LAMA2: variants seen among roughly 807,000 people sequenced by gnomAD.
LAMA2 encodes the protein laminin subunit alpha 2, also known as laminin subunit alpha-2.
A neutral mutation model predicts 364.8 loss-of-function variants in LAMA2; 269 were observed. The ratio of observed to expected loss-of-function variants is 0.74; its 90% CI spans 0.67 to 0.82. The LOEUF (loss-of-function observed/expected upper bound fraction) is 0.82. LAMA2 is among the 40% of genes least tolerant of loss of function. The probability of loss-of-function intolerance (pLI) is 0.00; values close to 1 mark genes in which losing one functional copy is unlikely to be tolerated. For synonymous variants in LAMA2, 1,379 were observed against 1,370.6 expected (o/e 1.01, Z -0.14); for missense variants, 3,807 against 3,873.2 (o/e 0.98, Z 0.45).
intron 32 of LAMA2, among the ~76,000 whole-genome samples, chr6:129,356,018 G>A (rs1209425995): frequency 1.3e-5 from 2 of 151,996 alleles, no homozygotes; most frequent in Admixed American, 6.6e-5. Context: ...AAGAGATCAG[G>A]CAAAACAAAG....
intron 1 of LAMA2, among the ~76,000 whole-genome samples, chr6:128,960,665 CTCTTT>C (rs1044536652): frequency 3.5e-4 from 53 of 152,252 alleles, no homozygotes; most frequent in African/African-American, 1.2e-3. Context: ...CAGCCGATTT[CTCTTT>C]TCTTTTATTT....
intron 47 of LAMA2, among the ~76,000 whole-genome samples, chr6:129,455,969 T>C (rs1243587342): frequency 6.6e-6 from 1 of 152,190 alleles, no homozygotes; most frequent in Non-Finnish European, 1.5e-5. Flanking sequence ...ATAAATTGTA[T>C]GTGTTGGTAA....
At chr6:129,187,035 T>C (rs933906558) in intron 10 of LAMA2, among the ~76,000 whole-genome samples, 1 of 151,836 alleles carries the variant, frequency 6.6e-6, no homozygotes, top group Non-Finnish European at 1.5e-5. Context: ...TTGATATTGA[T>C]AACAGAGGAA....
intron 9 of LAMA2, among the ~76,000 whole-genome samples, chr6:129,174,706 T>A (rs188761800): frequency 9.2e-4 from 140 of 152,258 alleles, no homozygotes; most frequent in Non-Finnish European, 1.5e-3. Context: ...GGAAAGACAT[T>A]GTTTTAAAGA....
intron 21 of LAMA2, among the ~76,000 whole-genome samples, chr6:129,299,848 A>G (rs1340805263): frequency 2.0e-5 from 3 of 152,334 alleles, no homozygotes; most frequent in African/African-American, 4.8e-5. Flanking sequence ...TATTCAGTGA[A>G]AATGATTTAG....
intron 12 of LAMA2, among the ~76,000 whole-genome samples, chr6:129,238,760 A>G (rs563186291): frequency 1.3e-5 from 2 of 152,312 alleles, no homozygotes; most frequent in South Asian, 4.2e-4. Context: ...AATAATAATA[A>G]TAAACCTACA....
At position 129,287,040 on chromosome 6, in the gene LAMA2, A is replaced by G. The variant is rs377527635; in HGVS notation, c.2538-807A>G. 0.016 allele frequency among the ~76,000 whole-genome samples: 33 copies of G among 2,018 alleles called. 11 individuals are homozygous for G. The East Asian group carries it at 0.42, about 25-fold the overall frequency. 1.3% of individuals were successfully genotyped at this position (2,018 alleles called of 152,430 possible). On this transcript the variant is annotated intron_variant, in intron 18 of 64. Coordinates refer to ENST00000421865, the MANE Select transcript of LAMA2 (RefSeq NM_000426.4). Reference sequence around the variant, plus strand: ...GGAGAGAGGGAGGGAGGGAGGGAGGAAGGAAGGAAGCAAGGAAGGAAGGAA... The same window carrying G: ...GGAGAGAGGGAGGGAGGGAGGGAGGGAGGAAGGAAGCAAGGAAGGAAGGAA...
At chr6:129,477,777 T>TA (rs527464740) in intron 53 of LAMA2, among the ~76,000 whole-genome samples, 2,878 of 151,380 alleles carry the variant, frequency 0.019, 92 homozygotes, top group African/African-American at 0.063. Flanking sequence ...ATTAATCTGT[T>TA]AAAAAAAAAC....
At chr6:129,358,093 C>T (rs897809882) in intron 32 of LAMA2, among the ~76,000 whole-genome samples, 1 of 152,020 alleles carries the variant, frequency 6.6e-6, no homozygotes, top group Non-Finnish European at 1.5e-5. Flanking sequence ...ATGTTGTTCA[C>T]ATCCAGGTGT....
intron 1 of LAMA2, among the ~76,000 whole-genome samples, chr6:128,992,029 C>T (rs569012287): frequency 2.6e-5 from 4 of 152,274 alleles, no homozygotes; most frequent in East Asian, 1.9e-4. Flanking sequence ...ACAATTGATA[C>T]GGTCAACTGT....
intron 52 of LAMA2, among the ~76,000 whole-genome samples, chr6:129,473,553 G>A (rs1046935091): frequency 6.6e-6 from 1 of 152,070 alleles, no homozygotes. Context: ...CTTTGTTGAA[G>A]AGATGGATTG....
At chr6:128,977,733 T>C (rs1782619798) in intron 1 of LAMA2, among the ~76,000 whole-genome samples, 2 of 152,222 alleles carry the variant, frequency 1.3e-5, no homozygotes, top group Admixed American at 6.5e-5. Context: ...TCTGAGTATG[T>C]CTCCACTTCA....
chr6:129,278,010 C>T (rs265374), intron 17 of LAMA2, among the ~76,000 whole-genome samples: 149,968 of 152,124 alleles, frequency 0.99, 73,977 homozygotes, highest in East Asian at 1. Flanking sequence ...AAGACCAGCC[C>T]GGCCAATATG....
At chr6:128,961,630 T>A (rs1781529236) in intron 1 of LAMA2, among the ~76,000 whole-genome samples, 1 of 151,112 alleles carries the variant, frequency 6.6e-6, no homozygotes, top group Non-Finnish European at 1.5e-5. Flanking sequence ...ATTTTCTGCC[T>A]GCTTTATATT....
intron 1 of LAMA2, among the ~76,000 whole-genome samples, chr6:128,960,242 A>G (rs1781394374): frequency 6.6e-6 from 1 of 150,836 alleles, no homozygotes; most frequent in Non-Finnish European, 1.5e-5. Context: ...ACAATGTGTT[A>G]TTTATCTATG....
chr6:129,157,057 C>G (rs1047826546), intron 8 of LAMA2, among the ~76,000 whole-genome samples: 1 of 152,152 alleles, frequency 6.6e-6, no homozygotes, highest in African/African-American at 2.4e-5. Flanking sequence ...GTATCCCAAA[C>G]ACATCATCAT....
At chr6:129,435,001 CAAA>C (rs202098959) in intron 41 of LAMA2, among the ~76,000 whole-genome samples, 1 of 145,402 alleles carries the variant, frequency 6.9e-6, no homozygotes, top group Non-Finnish European at 1.5e-5. Flanking sequence ...CTTGCTAGTA[CAAA>C]AAAAAAATGC....
At chr6:128,921,704 T>TTTTTTTG (rs58404894) in intron 1 of LAMA2, among the ~76,000 whole-genome samples, 11,243 of 144,970 alleles carry the variant, frequency 0.078, 468 homozygotes, top group South Asian at 0.11. Context: ...TCTGTTTTTT[T>TTTTTTTG]TTTTTTTTTA....
chr6:129,436,280 C>A (rs916576789), intron 41 of LAMA2, among the ~76,000 whole-genome samples: 3 of 152,216 alleles, frequency 2.0e-5, no homozygotes, highest in Non-Finnish European at 4.4e-5. Flanking sequence ...ATGTTCTTCT[C>A]TACCCAGCTC....
Sources: gnomAD v4.1 joint callset for allele counts (sites outside exome capture counted in the v4.1 genomes callset) on GRCh38, gnomAD v4.1.1 for gene constraint, MANE v1.5 for transcripts, NCBI Gene and HGNC (gene_info 2026-07-23, HGNC 2026-07-21) for gene names.